MEIG1: variants seen among roughly 807,000 people sequenced by gnomAD.
MEIG1 encodes the protein meiosis expressed gene 1 protein homolog.
A neutral mutation model predicts 11.3 loss-of-function variants in MEIG1; 12 were observed. The ratio of observed to expected loss-of-function variants is 1.07; its 90% CI spans 0.68 to 1.73. MEIG1 has a LOEUF of 1.73. MEIG1 is among the 40% of genes most tolerant of loss of function. MEIG1 has a pLI of 0.00. For synonymous variants in MEIG1, 41 were observed against 33.2 expected (o/e 1.24, Z -0.81); for missense variants, 119 against 104.9 (o/e 1.13, Z -0.59).
At chr10:14,972,369 T>C in intron 2 of MEIG1, 144 bp from the exon 3 acceptor site, 1 of 1,025,200 alleles carries the variant, frequency 9.8e-7, no homozygotes, top group Non-Finnish European at 1.4e-6. Context: ...CTTGTGGGTA[T>C]CATACTTTAA....
At chr10:14,959,588 C>T (rs1564502178) in intron 1 of MEIG1, 31 bp downstream of exon 1, 2 of 152,456 alleles carry the variant, frequency 1.3e-5, no homozygotes. Flanking sequence ...AGGCGAGGGC[C>T]CTGCCCGCCA....
At chr10:14,965,329 A>ATT (rs2131265791) in intron 1 of MEIG1, among the ~76,000 whole-genome samples, 1 of 152,358 alleles carries the variant, frequency 6.6e-6, no homozygotes, top group South Asian at 2.1e-4. Flanking sequence ...TGAGAAAACA[A>ATT]GTGTAAGATT....
intron 1 of MEIG1, among the ~76,000 whole-genome samples, chr10:14,984,532 C>G (rs1843299131): frequency 6.6e-6 from 1 of 151,884 alleles, no homozygotes; most frequent in Admixed American, 6.6e-5. Context: ...TCTTCTTCTC[C>G]TAAGGGGAGG....
chr10:14,967,186 A>AG (rs920320894), intron 2 of MEIG1, among the ~76,000 whole-genome samples: 1 of 20,454 alleles, frequency 4.9e-5, no homozygotes, highest in African/African-American at 1.3e-4. Context: ...GGTAGACCAC[A>AG]AAAAAAAAGC....
At chr10:14,985,200 C>T (rs544014111) in intron 1 of MEIG1, among the ~76,000 whole-genome samples, 29 of 151,846 alleles carry the variant, frequency 1.9e-4, no homozygotes, top group African/African-American at 5.6e-4. Flanking sequence ...TCACTGGGGC[C>T]GTACATCCTG....
rs577356634 is a variant in MEIG1 at position 14,981,598 on chromosome 10, C to T, written n.67-5198C>T. On this transcript the variant is annotated intron_variant and non_coding_transcript_variant, in intron 1 of 2. Transcript: ENST00000467536. ...TACAGGAAAATCAATGTCTCTACCC[C>T]CGACAGTCATTCTGACCAGAGGCTC... Among the ~76,000 whole-genome samples the T allele has an allele frequency of 1.4e-4, 22 of 152,250 alleles. No individual in the cohort carries two copies. The East Asian group carries it at 4.2e-3, about 29-fold the overall frequency.
upstream of MEIG1, among the ~76,000 whole-genome samples, chr10:14,958,818 C>T (rs1011295397): frequency 6.6e-6 from 1 of 152,022 alleles, no homozygotes; most frequent in African/African-American, 2.4e-5. Context: ...ATGGCGTGAA[C>T]CCGGGAGGCG....
chr10:14,957,411 T>C (rs1298750087), upstream of MEIG1, among the ~76,000 whole-genome samples: 1 of 152,190 alleles, frequency 6.6e-6, no homozygotes, highest in Non-Finnish European at 1.5e-5. Flanking sequence ...TGAAATATAC[T>C]GATTCAAAAT....
At chr10:14,980,690 C>T (rs1843254097) in intron 1 of MEIG1, among the ~76,000 whole-genome samples, 1 of 152,132 alleles carries the variant, frequency 6.6e-6, no homozygotes, top group Non-Finnish European at 1.5e-5. Flanking sequence ...TGGTTGGAAA[C>T]CTCTGGAGGT....
intron 2 of MEIG1, 61 bp downstream of exon 2, chr10:14,966,667 T>G: frequency 6.7e-7 from 1 of 1,488,184 alleles, no homozygotes; most frequent in Non-Finnish European, 9.2e-7. Context: ...CTGAAAAGTA[T>G]TTTATAAACA....
At chr10:14,971,117 T>G (rs1012619838) in intron 2 of MEIG1, among the ~76,000 whole-genome samples, 3 of 151,818 alleles carry the variant, frequency 2.0e-5, no homozygotes, top group African/African-American at 7.3e-5. Context: ...CTGGGGACAG[T>G]GGCTCACACC....
chr10:14,986,464 A>G (rs1429790459), intron 1 of MEIG1, among the ~76,000 whole-genome samples: 1 of 152,228 alleles, frequency 6.6e-6, no homozygotes, highest in African/African-American at 2.4e-5. Context: ...TAAAATTTTC[A>G]TACTGTACTA....
At chr10:14,967,306 T>TC (rs1332018983) in intron 2 of MEIG1, among the ~76,000 whole-genome samples, 1 of 151,744 alleles carries the variant, frequency 6.6e-6, no homozygotes, top group African/African-American at 2.4e-5. Context: ...GAGGTTAAAA[T>TC]CCTGTGGTTT....
At chr10:14,986,471 A>G (rs1353170035) in intron 1 of MEIG1, among the ~76,000 whole-genome samples, 1 of 152,230 alleles carries the variant, frequency 6.6e-6, no homozygotes. Context: ...TTCATACTGT[A>G]CTATCAAACA....
At chr10:14,964,601 A>G (rs796626084) in intron 1 of MEIG1, among the ~76,000 whole-genome samples, 2,130 of 97,912 alleles carry the variant, frequency 0.022, 54 homozygotes, top group African/African-American at 0.055. Flanking sequence ...ATATATATAT[A>G]TATATATACA....
At chr10:14,968,006 T>C (rs1049408215) in intron 2 of MEIG1, among the ~76,000 whole-genome samples, 1 of 152,184 alleles carries the variant, frequency 6.6e-6, no homozygotes, top group African/African-American at 2.4e-5. Flanking sequence ...AAATATGACA[T>C]AGTATTCATA....
intron 1 of MEIG1, among the ~76,000 whole-genome samples, chr10:14,984,219 C>A (rs575109293): frequency 6.7e-6 from 1 of 148,160 alleles, no homozygotes; most frequent in Non-Finnish European, 1.5e-5. Flanking sequence ...GGGAGCCCAC[C>A]CCCCTGCGAT....
rs117691361 is a variant in MEIG1, at chr10:14,980,792, C to T, written n.67-6004C>T. Among the ~76,000 whole-genome samples the T allele has an allele frequency of 7.9e-5, 12 of 152,242 alleles. No homozygotes were observed. The East Asian group carries it at 2.1e-3, about 27-fold the overall frequency. Reference sequence around the variant, plus strand: ...TGTACTGAGTAGTGACACCTGACTCCGGACCTTCCCACTGAAAGGCAAAGA... The same window carrying T: ...TGTACTGAGTAGTGACACCTGACTCTGGACCTTCCCACTGAAAGGCAAAGA... On this transcript the variant is annotated intron_variant and non_coding_transcript_variant, in intron 1 of 2. Transcript: ENST00000467536.
At chr10:14,976,398 C>T (rs1035880176), downstream of MEIG1, among the ~76,000 whole-genome samples, 10 of 151,172 alleles carry the variant, frequency 6.6e-5, no homozygotes, top group African/African-American at 2.4e-4. Context: ...TGTGTGTATA[C>T]CTTGTGGTGT....
Sources: gnomAD v4.1 joint callset for allele counts (sites outside exome capture counted in the v4.1 genomes callset) on GRCh38, gnomAD v4.1.1 for gene constraint, MANE v1.5 for transcripts, NCBI Gene and HGNC (gene_info 2026-07-23, HGNC 2026-07-21) for gene names.